KMO: variants seen among roughly 807,000 people sequenced by gnomAD.
KMO encodes the protein kynurenine 3-monooxygenase, also known as kynurenine 3-hydroxylase.
Under a neutral mutation model 57.8 loss-of-function variants are expected in KMO, and 24 were observed. That is an observed-to-expected ratio of 0.42 (90% CI 0.30 to 0.58). The LOEUF (loss-of-function observed/expected upper bound fraction) is 0.58, where lower values mean the gene tolerates loss of function less well. Ranked by LOEUF, KMO falls within the 20% of genes least tolerant of loss-of-function variation. The pLI is 0.22. For synonymous variants in KMO, 210 were observed against 193.6 expected (o/e 1.08, Z -0.70); for missense variants, 483 against 588.2 (o/e 0.82, Z 1.85).
At chr1:241,565,803 T>G (rs2147964712) in intron 8 of KMO, among the ~76,000 whole-genome samples, 1 of 152,288 alleles carries the variant, frequency 6.6e-6, no homozygotes, top group Admixed American at 6.5e-5. Flanking sequence ...TTTCTCTGGT[T>G]GGGGTCTTTT....
intron 4 of KMO, among the ~76,000 whole-genome samples, chr1:241,553,103 T>C (rs1661472345): frequency 6.6e-6 from 1 of 152,256 alleles, no homozygotes; most frequent in Admixed American, 6.5e-5. Flanking sequence ...CCAAAGGATA[T>C]ATCTAACCTT....
chr1:241,543,150 T>G lies in KMO; in HGVS notation c.55-5679T>G, dbSNP rs74562702. ...AATAATAACAATAAGCGGCCATGAA[T>G]CTACTACTCAACACAAGAAGTGACA... On this transcript the variant is annotated intron_variant, in intron 1 of 14. Coordinates refer to ENST00000366559, the MANE Select transcript of KMO (RefSeq NM_003679.5). Among the ~76,000 whole-genome samples the G allele has an allele frequency of 3.5e-3, 539 of 152,250 alleles. 4 individuals are homozygous for G. Among genetic ancestry groups the G allele is most frequent in the African/African-American group, 0.012 (512 of 41,556 alleles).
At position 241,594,405 on chromosome 1, in the gene KMO, T is replaced by A. The variant is rs200358884; in HGVS notation, c.*2252T>A. 141 of 1,603,598 alleles carry A rather than the reference T, an allele frequency of 8.8e-5. No individual in the cohort carries two copies. The highest frequency in any genetic ancestry group is 6.1e-4 in the Admixed American group (36 of 59,458). The stretch of plus-strand genomic sequence containing the variant: ...AAGTGGCATCCAATTTAAGGCCCCA[T>A]CTTTCGTTGCCATTCTTCATTCCTA... On this transcript the variant is annotated 3_prime_UTR_variant, in exon 15 of 15. Coordinates refer to ENST00000366559, the MANE Select transcript of KMO (RefSeq NM_003679.5).
rs1573911048 is a variant in KMO at position 241,550,854 on chromosome 1, C to A, written c.223-101C>A. 32 of 616,656 alleles carry A rather than the reference C, an allele frequency of 5.2e-5. No individual in the cohort carries two copies. In the East Asian group the frequency reaches 9.8e-4, roughly 19 times the overall value. The allele number at this position is 616,656 out of a possible 1,614,324, so 38.2% of individuals were successfully genotyped here. A position where few individuals can be genotyped will look rare whatever the true frequency, so the allele number is the denominator to read the frequency against. On this transcript the variant is annotated intron_variant, in intron 3 of 14. Transcript: ENST00000366559. ...TGGTCTTTCACAATTTTTAAAATTT[C>A]TTGGAGAATATATGAAATTACATTT...
In KMO at chr1:241,560,546, T is replaced by C; in HGVS notation, c.362-119T>C. The C allele has an allele frequency of 7.2e-6, 5 of 695,136 alleles. No homozygotes were observed. In the South Asian group the frequency reaches 8.8e-5, roughly 12 times the overall value. The allele number at this position is 695,136 out of a possible 1,614,324, so 43.1% of individuals were successfully genotyped here. A position where few individuals can be genotyped will look rare whatever the true frequency, so the allele number is the denominator to read the frequency against. ...CCATTTAAGTGAACTTATTTTTACA[T>C]TGTTATGAATAAAATTCTCTACCAT... On this transcript the variant is annotated intron_variant, in intron 5 of 14. Transcript: ENST00000366559.
intron 1 of KMO, chr1:241,536,632 A>T (rs2992642): frequency 1.8e-5 from 5 of 275,636 alleles, no homozygotes; most frequent in South Asian, 2.8e-4. Context: ...CCACTATTCT[A>T]GCATGTATTT....
intron 10 of KMO, among the ~76,000 whole-genome samples, chr1:241,570,339 A>G (rs1407497520): frequency 6.6e-6 from 1 of 152,052 alleles, no homozygotes; most frequent in African/African-American, 2.4e-5. Flanking sequence ...GGTCTTACTT[A>G]GAAAATTTTT....
chr1:241,549,333 AT>A (rs1661306637), intron 2 of KMO, among the ~76,000 whole-genome samples: 2 of 151,622 alleles, frequency 1.3e-5, no homozygotes, highest in South Asian at 2.1e-4. Flanking sequence ...AGAAAGAAAG[AT>A]GAAAAGAAAG....
chr1:241,570,622 A>G (rs1248664328), intron 10 of KMO, among the ~76,000 whole-genome samples: 2 of 151,970 alleles, frequency 1.3e-5, no homozygotes, highest in Admixed American at 1.3e-4. Context: ...TGGGTTCTCT[A>G]TTCTGTTCCA....
chr1:241,532,634 G>T lies in KMO; in HGVS notation c.54+136G>T, dbSNP rs1573895839. ...TCTGATATTTAAATACAGCTATTTT[G>T]TTTATTTTTTTAATATTTTTATTTT... On this transcript the variant is annotated intron_variant, in intron 1 of 14. Coordinates refer to ENST00000366559, the MANE Select transcript of KMO (RefSeq NM_003679.5). 1.2e-5 allele frequency: 7 copies of T among 605,976 alleles called. No individual in the cohort carries two copies. The East Asian group carries it at 1.7e-4, about 15-fold the overall frequency. 37.5% of individuals were successfully genotyped at this position (605,976 alleles called of 1,614,324 possible).
intron 9 of KMO, among the ~76,000 whole-genome samples, chr1:241,567,935 G>A (rs1202803977): frequency 1.3e-5 from 2 of 151,962 alleles, no homozygotes; most frequent in Non-Finnish European, 2.9e-5. Flanking sequence ...CAAATATTAG[G>A]GTTTTTGTTT....
intron 7 of KMO, among the ~76,000 whole-genome samples, chr1:241,562,902 GGAAGGAAGGAAGGAAA>G (rs150829549): frequency 0.16 from 15,123 of 93,680 alleles, 1,205 homozygotes; most frequent in East Asian, 0.23. Flanking sequence ...AAGGAAGGAA[GGAAGGAAGGAAGGAAA>G]GAAGGAAGGA....
intron 4 of KMO, among the ~76,000 whole-genome samples, chr1:241,555,066 A>G (rs1194667211): frequency 6.6e-6 from 1 of 152,098 alleles, no homozygotes; most frequent in East Asian, 1.9e-4. Flanking sequence ...ATTGTCCTAT[A>G]AAGTCAGAAA....
chr1:241,566,008 C>T (rs1662062460), intron 8 of KMO, among the ~76,000 whole-genome samples: 1 of 152,094 alleles, frequency 6.6e-6, no homozygotes, highest in Non-Finnish European at 1.5e-5. Context: ...AGTTCCAGAC[C>T]AACCTGCCCA....
At chr1:241,565,642 T>C (rs182543890) in intron 8 of KMO, among the ~76,000 whole-genome samples, 17 of 151,604 alleles carry the variant, frequency 1.1e-4, no homozygotes, top group Middle Eastern at 3.5e-3. Context: ...GAGGATTGCT[T>C]GAGCCCCGAA....
In KMO at chr1:241,566,723, C is replaced by T. The variant is rs554507817; in HGVS notation, c.809+111C>T. On this transcript the variant is annotated intron_variant, in intron 9 of 14. Transcript: ENST00000366559. ...TTAAACACGATGGATCATGCAGTAA[C>T]CTGGACAGAAACCTACATTAGAGCA... The T allele has an allele frequency of 2.2e-5, 25 of 1,140,836 alleles. No individual in the cohort carries two copies. The South Asian group carries it at 2.7e-4, about 13-fold the overall frequency. The allele number at this position is 1,140,836 out of a possible 1,614,324, so 70.7% of individuals were successfully genotyped here.
chr1:241,560,607 T>C, intron 5 of KMO, 58 bp from the exon 6 acceptor site: 1 of 1,177,660 alleles, frequency 8.5e-7, no homozygotes, highest in Non-Finnish European at 1.3e-6. Flanking sequence ...TTCAATTTGA[T>C]TAAGTGAAGT....
In KMO at chr1:241,560,667, G is replaced by T. The variant is rs762359515; in HGVS notation, c.364G>T (p.Ala122Ser). ...TGCCTCTTTCTCCATTTCCTCAGCT[G>T]CTGAGAAATACCCCAATGTGAAAAT... ...ENLNKDLLTAAEKYPNVKMHF... is the reference protein window; with the variant it reads ...ENLNKDLLTASEKYPNVKMHF... Residue 122 changes from alanine to serine, a missense_variant and splice_region_variant, in exon 6 of 15, where the codon GCT becomes TCT. Physicochemically the swap from Ala to Ser is moderately conservative, Grantham distance 99 (BLOSUM62 1). Coordinates refer to ENST00000366559, the MANE Select transcript of KMO (RefSeq NM_003679.5). The T allele has an allele frequency of 6.2e-7, 1 of 1,608,346 alleles. No individual in the cohort carries two copies. Among genetic ancestry groups the T allele is most frequent in the Admixed American group, 1.7e-5 (1 of 59,988 alleles).
In KMO at chr1:241,549,697, A is replaced by C. The variant is rs1573910077; in HGVS notation, c.145A>C (p.Thr49Pro). Residue 49 changes from threonine (T) to proline (P), a missense_variant, in exon 3 of 15, where the codon ACA becomes CCA. By Grantham distance (38) the Thr-to-Pro change is conservative (BLOSUM62 -1). Coordinates refer to ENST00000366559, the MANE Select transcript of KMO (RefSeq NM_003679.5). ...AREDTRVATF[T>P]RGRSINLALS... is the part of the protein sequence containing the mutation. ...CTCAGATACTCGAGTGGCTACCTTCACACGTGGAAGAAGCATTAACTTAGC... is the reference window on the plus strand; with the variant it reads ...CTCAGATACTCGAGTGGCTACCTTCCCACGTGGAAGAAGCATTAACTTAGC... The C allele has an allele frequency of 6.2e-7, 1 of 1,612,824 alleles. No homozygotes were observed. The highest frequency in any genetic ancestry group is 8.5e-7 in the Non-Finnish European group (1 of 1,178,976).
Sources: allele counts gnomAD v4.1 joint callset (sites outside exome capture counted in the v4.1 genomes callset), GRCh38; gene constraint gnomAD v4.1.1; transcripts MANE v1.5; gene names NCBI Gene and HGNC (gene_info 2026-07-23, HGNC 2026-07-21).